The following CDC42BPB variants were observed in gnomAD, a reference collection of about 807,000 sequenced individuals.
The protein encoded by CDC42BPB is CDC42 binding protein kinase beta.
In CDC42BPB, 37 loss-of-function variants were observed where a neutral mutation model predicts 214.9. That is an observed-to-expected ratio of 0.17 (90% CI 0.13 to 0.23). CDC42BPB has a LOEUF of 0.23. Ranked by LOEUF, CDC42BPB falls within the 10% of genes least tolerant of loss-of-function variation. The probability of loss-of-function intolerance (pLI) is 1.00; values close to 1 mark genes in which losing one functional copy is unlikely to be tolerated. For missense variants in CDC42BPB, 1,694 were observed against 2,227.0 expected, an observed-to-expected ratio of 0.76 and a Z score of 4.82; for synonymous variants, 931 against 884.0, an observed-to-expected ratio of 1.05 and a Z score of -0.94.
chr14:102,962,992 GAAAAT>G, intron 20 of CDC42BPB, 64 bp downstream of exon 20: 2 of 786,894 alleles, frequency 2.5e-6, no homozygotes, highest in Non-Finnish European at 4.2e-6. Flanking sequence ...AAGTCGAAAA[GAAAAT>G]AAAAACATTC....
intron 5 of CDC42BPB, among the ~76,000 whole-genome samples, chr14:102,988,885 A>AAAC (rs1555390885): frequency 6.6e-6 from 1 of 151,040 alleles, no homozygotes; most frequent in African/African-American, 2.4e-5. Context: ...AAAAAAAAAA[A>AAAC]AACAAACAAA....
At chr14:103,013,848 G>A (rs1886298247) in intron 1 of CDC42BPB, among the ~76,000 whole-genome samples, 1 of 152,166 alleles carries the variant, frequency 6.6e-6, no homozygotes, top group South Asian at 2.1e-4. Context: ...CCCACTTTGT[G>A]GCAACTGGTT....
At chr14:103,000,802 C>T (rs530061374) in intron 4 of CDC42BPB, among the ~76,000 whole-genome samples, 72 of 152,320 alleles carry the variant, frequency 4.7e-4, no homozygotes, top group African/African-American at 1.7e-3. Flanking sequence ...CCAGTGCTGT[C>T]CTGTTCACGC....
At chr14:102,980,446 T>C (rs1292703098) in intron 8 of CDC42BPB, among the ~76,000 whole-genome samples, 2 of 151,954 alleles carry the variant, frequency 1.3e-5, no homozygotes, top group Non-Finnish European at 2.9e-5. Flanking sequence ...TGAGCTGAGA[T>C]TGCACCACTG....
intron 8 of CDC42BPB, among the ~76,000 whole-genome samples, chr14:102,978,936 GGCTGAGGTTGCAGTGA>G (rs1893878700): frequency 6.6e-6 from 1 of 152,210 alleles, no homozygotes; most frequent in Non-Finnish European, 1.5e-5. Context: ...GAATATGGGA[GGCTGAGGTTGCAGTGA>G]GCTGAGGTTG....
intron 3 of CDC42BPB, among the ~76,000 whole-genome samples, chr14:103,006,143 T>C (rs1237281133): frequency 6.6e-6 from 1 of 151,734 alleles, no homozygotes; most frequent in African/African-American, 2.4e-5. Flanking sequence ...TCTGGAATCA[T>C]CACAACCCCT....
chr14:103,054,853 C>T (rs968438222), intron 1 of CDC42BPB, among the ~76,000 whole-genome samples: 7 of 152,260 alleles, frequency 4.6e-5, no homozygotes, highest in Admixed American at 2.0e-4. Context: ...AAGGCCAGAT[C>T]TCATAAAATA....
chr14:102,966,924 T>C (rs1893232749), intron 17 of CDC42BPB, 122 bp downstream of exon 17: 3 of 1,179,178 alleles, frequency 2.5e-6, no homozygotes, highest in African/African-American at 1.5e-5. Flanking sequence ...CAGTGAGACC[T>C]GCACCCCAGC....
intron 5 of CDC42BPB, among the ~76,000 whole-genome samples, chr14:102,991,644 G>A (rs929154786): frequency 2.0e-5 from 3 of 152,162 alleles, no homozygotes; most frequent in Admixed American, 6.5e-5. Context: ...AAATCTGTAC[G>A]TGTGTGTACA....
chr14:103,030,239 A>C (rs1887290852), intron 1 of CDC42BPB, among the ~76,000 whole-genome samples: 1 of 152,268 alleles, frequency 6.6e-6, no homozygotes. Context: ...CTCATGGCCA[A>C]TGAGGTTGAA....
At chr14:103,051,628 T>C (rs1398022237) in intron 1 of CDC42BPB, among the ~76,000 whole-genome samples, 1 of 152,230 alleles carries the variant, frequency 6.6e-6, no homozygotes, top group Admixed American at 6.5e-5. Flanking sequence ...GAGCTCTCTG[T>C]CAACCCTGCA....
intron 12 of CDC42BPB, among the ~76,000 whole-genome samples, chr14:102,973,263 C>A: frequency 6.6e-6 from 1 of 152,210 alleles, no homozygotes; most frequent in East Asian, 1.9e-4. Flanking sequence ...ACGTGGATGA[C>A]CCACAGATTA....
chr14:103,037,121 A>C (rs898766387), intron 1 of CDC42BPB, among the ~76,000 whole-genome samples: 18 of 152,180 alleles, frequency 1.2e-4, no homozygotes, highest in African/African-American at 4.3e-4. Context: ...ATCAGCTTTT[A>C]ATGTTTAAAA....
At position 102,995,779 on chromosome 14, in the gene CDC42BPB, C is replaced by T. The variant is rs34628481; in HGVS notation, c.596+3786G>A. 7.2e-5 allele frequency among the ~76,000 whole-genome samples: 11 copies of T among 152,324 alleles called. No individual in the cohort carries two copies. In the East Asian group the frequency reaches 1.5e-3, roughly 21 times the overall value. The stretch of plus-strand genomic sequence containing the variant: ...AACCATGCTGTAACGTCAGCCACGC[C>T]GTAAAGTTGGCCACACCGTAACATC... On this transcript the variant is annotated intron_variant, in intron 5 of 36. Transcript: ENST00000361246.
chr14:103,035,211 C>A (rs1422566744), intron 1 of CDC42BPB, among the ~76,000 whole-genome samples: 1 of 152,024 alleles, frequency 6.6e-6, no homozygotes, highest in Non-Finnish European at 1.5e-5. Context: ...GCATGTGCCA[C>A]CATGCCCGGC....
At chr14:102,965,618 T>C (rs979509770) in intron 18 of CDC42BPB, among the ~76,000 whole-genome samples, 12 of 152,210 alleles carry the variant, frequency 7.9e-5, no homozygotes, top group East Asian at 3.9e-4. Context: ...TTGAACACAA[T>C]TGAGAATGCT....
chr14:103,042,213 C>T (rs1888039220), intron 1 of CDC42BPB: 1 of 153,216 alleles, frequency 6.5e-6, no homozygotes, highest in Non-Finnish European at 1.5e-5. Context: ...AAATGACAAC[C>T]CACAAAATGG....
rs76999061 is a variant in CDC42BPB at position 102,952,429 on chromosome 14, G to A, written c.3172+69C>T. On this transcript the variant is annotated intron_variant, in intron 24 of 36. Coordinates refer to ENST00000361246, the MANE Select transcript of CDC42BPB (RefSeq NM_006035.4). Reference sequence around the variant, plus strand: ...CTTGCATCAGGGCTGCCCTGGAGCCGGCTGGTGCCCTTAGCTGCAGGGGTG... The same window carrying A: ...CTTGCATCAGGGCTGCCCTGGAGCCAGCTGGTGCCCTTAGCTGCAGGGGTG... 1.3e-3 allele frequency: 1,287 copies of A among 964,790 alleles called. 12 individuals carry two copies. The African/African-American group carries it at 0.019, about 14-fold the overall frequency. The allele number at this position is 964,790 out of a possible 1,614,324, so 59.8% of individuals were successfully genotyped here.
At chr14:103,013,308 T>C (rs1886262895) in intron 1 of CDC42BPB, among the ~76,000 whole-genome samples, 1 of 152,234 alleles carries the variant, frequency 6.6e-6, no homozygotes, top group Non-Finnish European at 1.5e-5. Context: ...CGGTCCCGAA[T>C]AGGTCCTGTG....
Sources: gnomAD v4.1 joint callset for allele counts (sites outside exome capture counted in the v4.1 genomes callset) on GRCh38, gnomAD v4.1.1 for gene constraint, MANE v1.5 for transcripts, NCBI Gene and HGNC (gene_info 2026-07-23, HGNC 2026-07-21) for gene names.